The following PVT1 variants were observed in gnomAD, a reference collection of about 807,000 sequenced individuals.
PVT1 encodes Pvt1 oncogene.
intron 5 of PVT1, among the ~76,000 whole-genome samples, chr8:128,087,747 C>CTTTTTTTTTTTT (rs71568675): frequency 1.3e-5 from 1 of 76,588 alleles, no homozygotes; most frequent in African/African-American, 4.9e-5. Flanking sequence ...TGATGTGCTA[C>CTTTTTTTTTTTT]TTTTTTTTTT....
intron 6 of PVT1, chr8:128,099,566 A>T (rs546208342): frequency 1.3e-5 from 2 of 152,258 alleles, no homozygotes; most frequent in African/African-American, 4.8e-5. Flanking sequence ...CTTATTATAG[A>T]CTTATATGTA....
intron 2 of PVT1, among the ~76,000 whole-genome samples, chr8:127,839,012 G>T (rs1240905802): frequency 6.6e-6 from 1 of 152,166 alleles, no homozygotes; most frequent in Admixed American, 6.5e-5. Flanking sequence ...TGCCATTCAG[G>T]ACTGCAGCCT....
At chr8:128,086,597 C>T (rs1814261014) in intron 5 of PVT1, among the ~76,000 whole-genome samples, 1 of 152,240 alleles carries the variant, frequency 6.6e-6, no homozygotes, top group Non-Finnish European at 1.5e-5. Context: ...ACCCAAAGCT[C>T]ACACCACAAC....
At chr8:127,816,055 C>T (rs968179135) in intron 2 of PVT1, among the ~76,000 whole-genome samples, 7 of 152,100 alleles carry the variant, frequency 4.6e-5, no homozygotes, top group East Asian at 1.9e-4. Context: ...ACCCGGGAGG[C>T]GGAGGTTATG....
At chr8:127,959,156 A>G (rs1281527811) in intron 3 of PVT1, among the ~76,000 whole-genome samples, 10 of 152,138 alleles carry the variant, frequency 6.6e-5, no homozygotes, top group South Asian at 2.1e-4. Flanking sequence ...ACGTGAGTGC[A>G]TTTTACCAAG....
At chr8:128,033,271 G>T (rs1813419831) in intron 4 of PVT1, among the ~76,000 whole-genome samples, 1 of 152,210 alleles carries the variant, frequency 6.6e-6, no homozygotes, top group East Asian at 1.9e-4. Context: ...TAACAGAGCA[G>T]TGGCTCAGCC....
At chr8:127,839,472 C>T (rs1030256488) in intron 2 of PVT1, among the ~76,000 whole-genome samples, 18 of 150,904 alleles carry the variant, frequency 1.2e-4, no homozygotes, top group African/African-American at 4.4e-4. Flanking sequence ...ATGGCTTGAG[C>T]CTGGGAGGTC....
At chr8:128,073,128 C>T (rs896320669) in intron 5 of PVT1, among the ~76,000 whole-genome samples, 14 of 152,046 alleles carry the variant, frequency 9.2e-5, no homozygotes, top group Non-Finnish European at 1.3e-4. Context: ...CCACCGCACC[C>T]GGCCCACCTG....
chr8:127,879,055 G>A (rs1026891587), intron 2 of PVT1, among the ~76,000 whole-genome samples: 2 of 152,260 alleles, frequency 1.3e-5, no homozygotes, highest in Non-Finnish European at 1.5e-5. Context: ...TATTGGGGCT[G>A]TTTTGGTCAA....
chr8:127,853,830 A>T (rs1586407690), intron 2 of PVT1, among the ~76,000 whole-genome samples: 1 of 152,260 alleles, frequency 6.6e-6, no homozygotes, highest in Non-Finnish European at 1.5e-5. Flanking sequence ...AAAGTGAATA[A>T]AGAGAGAAGA....
intron 4 of PVT1, among the ~76,000 whole-genome samples, chr8:128,061,869 G>A (rs1014490023): frequency 3.3e-5 from 5 of 152,118 alleles, no homozygotes; most frequent in African/African-American, 7.2e-5. Context: ...AGCATTGCAC[G>A]GCATGTGACT....
intron 2 of PVT1, among the ~76,000 whole-genome samples, chr8:127,861,655 C>T (rs1215341344): frequency 1.3e-5 from 2 of 151,886 alleles, no homozygotes; most frequent in East Asian, 1.9e-4. Context: ...TCATTATGCA[C>T]CTGTACAGGA....
intron 3 of PVT1, among the ~76,000 whole-genome samples, chr8:127,938,531 G>A (rs1816306880): frequency 6.6e-6 from 1 of 152,184 alleles, no homozygotes; most frequent in African/African-American, 2.4e-5. Context: ...AAAAATATAT[G>A]TATTTGAAAG....
intron 3 of PVT1, among the ~76,000 whole-genome samples, chr8:127,955,467 A>G (rs533053794): frequency 6.6e-6 from 1 of 152,184 alleles, no homozygotes; most frequent in Admixed American, 6.5e-5. Context: ...ATTAATTTTC[A>G]TAGTAAGTGG....
At chr8:128,032,992 G>A (rs1813411385) in intron 4 of PVT1, among the ~76,000 whole-genome samples, 1 of 152,194 alleles carries the variant, frequency 6.6e-6, no homozygotes, top group African/African-American at 2.4e-5. Context: ...GGGTGAGGGT[G>A]CAGGTAGGGT....
chr8:128,013,234 G>A (rs1323684426), intron 4 of PVT1, among the ~76,000 whole-genome samples: 1 of 152,036 alleles, frequency 6.6e-6, no homozygotes, highest in Non-Finnish European at 1.5e-5. Context: ...AATAATACTA[G>A]TTTCCTTATA....
chr8:127,890,255 C>T (rs951657114), intron 2 of PVT1, among the ~76,000 whole-genome samples: 1 of 152,248 alleles, frequency 6.6e-6, no homozygotes, highest in African/African-American at 2.4e-5. Context: ...CCAGGCCTGG[C>T]CTTGCTGTCA....
chr8:128,056,842 T>C (rs1586501088), intron 4 of PVT1, among the ~76,000 whole-genome samples: 4 of 152,324 alleles, frequency 2.6e-5, no homozygotes, highest in South Asian at 4.1e-4. Flanking sequence ...GGCGGGTCCC[T>C]GGCAGCCCAT....
At chr8:127,945,377 T>A (rs552619086) in intron 3 of PVT1, among the ~76,000 whole-genome samples, 4 of 152,268 alleles carry the variant, frequency 2.6e-5, no homozygotes, top group African/African-American at 9.6e-5. Context: ...TCCAGAACAA[T>A]CATGCCAGTT....
Sources: allele counts gnomAD v4.1 joint callset (sites outside exome capture counted in the v4.1 genomes callset), GRCh38; gene constraint gnomAD v4.1.1; transcripts MANE v1.5; gene names NCBI Gene and HGNC (gene_info 2026-07-23, HGNC 2026-07-21).